Variants in RALB observed in about 807,000 individuals in gnomAD.
RALB encodes the protein ras-related protein Ral-B.
RALB carries 16 observed loss-of-function variants against 21.3 expected under a neutral mutation model. The observed-to-expected ratio is 0.75, with a 90% CI of 0.51 to 1.14. The LOEUF (loss-of-function observed/expected upper bound fraction) is 1.14, where lower values mean the gene tolerates loss of function less well. RALB is among the 50% of genes most tolerant of loss of function. The pLI is 0.00. For synonymous variants in RALB, 93 were observed against 96.1 expected (o/e 0.97, Z 0.19); for missense variants, 161 against 256.2 (o/e 0.63, Z 2.54).
chr2:120,252,223 C>T (rs927941184), upstream of RALB, among the ~76,000 whole-genome samples: 11 of 152,008 alleles, frequency 7.2e-5, no homozygotes, highest in Admixed American at 4.6e-4. Context: ...GGGAGCTTGC[C>T]CACTGCACTT....
intron 2 of RALB, among the ~76,000 whole-genome samples, chr2:120,284,759 C>G (rs201673009): frequency 1.1e-3 from 8 of 7,188 alleles, no homozygotes; most frequent in African/African-American, 4.9e-3. Flanking sequence ...AAAAAACCAA[C>G]CTACGTATTA....
chr2:120,264,112 G>A (rs1689438668), intron 1 of RALB, among the ~76,000 whole-genome samples: 1 of 151,756 alleles, frequency 6.6e-6, no homozygotes, highest in Non-Finnish European at 1.5e-5. Flanking sequence ...GCCTCCCAAA[G>A]TGCTGAGATT....
chr2:120,289,312 A>C (rs865823726), intron 3 of RALB, among the ~76,000 whole-genome samples: 8 of 68,272 alleles, frequency 1.2e-4, no homozygotes, highest in African/African-American at 6.1e-4. Flanking sequence ...TCCTATCCAG[A>C]CACTTCTGTA....
At chr2:120,252,750 C>A (rs939984090), upstream of RALB, 21 of 982,266 alleles carry the variant, frequency 2.1e-5, no homozygotes, top group African/African-American at 8.7e-5. Context: ...GACAGCCCCC[C>A]GACGGGCGTG....
intron 1 of RALB, among the ~76,000 whole-genome samples, chr2:120,259,191 C>G (rs959134229): frequency 6.6e-6 from 1 of 152,212 alleles, no homozygotes; most frequent in Non-Finnish European, 1.5e-5. Flanking sequence ...AACAAAGCTT[C>G]CACAGCGTAG....
At chr2:120,250,898 T>C (rs1689041330), upstream of RALB, among the ~76,000 whole-genome samples, 1 of 152,222 alleles carries the variant, frequency 6.6e-6, no homozygotes. Context: ...GCTCAGGGTC[T>C]GGCATGTCCA....
intron 1 of RALB, among the ~76,000 whole-genome samples, chr2:120,265,450 A>G (rs1689479190): frequency 1.3e-5 from 2 of 152,260 alleles, no homozygotes; most frequent in Non-Finnish European, 2.9e-5. Context: ...ATGACTGTAT[A>G]ACAACTATTT....
chr2:120,265,499 T>C (rs1689479995), intron 1 of RALB, among the ~76,000 whole-genome samples: 1 of 152,256 alleles, frequency 6.6e-6, no homozygotes, highest in South Asian at 2.1e-4. Context: ...TTTTAGAGCT[T>C]GTGCTCTGTG....
intron 4 of RALB, among the ~76,000 whole-genome samples, chr2:120,290,081 C>T (rs1320297331): frequency 6.6e-6 from 1 of 152,136 alleles, no homozygotes; most frequent in Non-Finnish European, 1.5e-5. Flanking sequence ...TCACTGCAAC[C>T]TCTGCCTCCT....
Position 120,252,988 on chromosome 2 carries a change from C to T in RALB, c.-48+8C>T, listed in dbSNP as rs1689093776. 4.1e-6 allele frequency: 4 copies of T among 984,430 alleles called. No homozygotes were observed. Among genetic ancestry groups the T allele is most frequent in the East Asian group, 1.1e-4 (1 of 8,726 alleles). The allele number at this position is 984,430 out of a possible 1,614,324, so 61.0% of individuals were successfully genotyped here. On this transcript the variant is annotated splice_region_variant and intron_variant, in intron 1 of 4. Coordinates refer to ENST00000272519, the MANE Select transcript of RALB (RefSeq NM_002881.3). Reference sequence around the variant, plus strand: ...CGGCGGGACTGGTCCCTGGTAAGGGCGCGGCGCCCGCGGGCCCCGGGCGGG... The same window carrying T: ...CGGCGGGACTGGTCCCTGGTAAGGGTGCGGCGCCCGCGGGCCCCGGGCGGG...
intron 2 of RALB, among the ~76,000 whole-genome samples, chr2:120,283,872 G>C (rs1439580617): frequency 6.6e-6 from 1 of 152,206 alleles, no homozygotes; most frequent in Non-Finnish European, 1.5e-5. Context: ...GCTGAGCAAT[G>C]TAAATAAACA....
chr2:120,280,198 T>C (rs533747505), intron 2 of RALB, among the ~76,000 whole-genome samples: 1 of 152,286 alleles, frequency 6.6e-6, no homozygotes, highest in East Asian at 1.9e-4. Flanking sequence ...GTTTCCTAAA[T>C]TTGGCAGTAA....
chr2:120,253,016 G>A (rs931570685), intron 1 of RALB, 36 bp downstream of exon 1: 1 of 981,516 alleles, frequency 1.0e-6, no homozygotes, highest in East Asian at 1.1e-4. Flanking sequence ...CGGGCGGGGT[G>A]GGGCGCGGGC....
At chr2:120,259,321 A>AT (rs1689284355) in intron 1 of RALB, among the ~76,000 whole-genome samples, 1 of 152,158 alleles carries the variant, frequency 6.6e-6, no homozygotes, top group African/African-American at 2.4e-5. Flanking sequence ...CAGGGCGCTG[A>AT]TTGGTGCGTT....
rs1690349306 is a variant in RALB, at chr2:120,293,236, TAAAG to T, written c.603_606del (p.Glu201AspfsTer12). 2 of 1,613,308 alleles carry T rather than the reference TAAAG, an allele frequency of 1.2e-6. No homozygotes were observed. The highest frequency in any genetic ancestry group is 1.6e-4 in the Middle Eastern group (1 of 6,076). ...AAAGCAGCAAGAACAAGAAAAGTTT[TAAAG>T]AAAGATGTTGCTTACTATGAGTGTC... On this transcript the variant is annotated frameshift_variant, in exon 5 of 5. Transcript: ENST00000272519. LOFTEE classifies it high-confidence loss of function.
intron 1 of RALB, among the ~76,000 whole-genome samples, chr2:120,277,579 AGT>A (rs1157375250): frequency 6.6e-6 from 1 of 151,600 alleles, no homozygotes; most frequent in African/African-American, 2.4e-5. Flanking sequence ...TGAGAGGACA[AGT>A]GTGTGATAGT....
In RALB at chr2:120,293,408, G is replaced by C; in HGVS notation, c.*148G>C. 1 of 847,878 alleles carries C rather than the reference G, an allele frequency of 1.2e-6. No individual in the cohort carries two copies. The highest frequency in any genetic ancestry group is 1.6e-6 in the Non-Finnish European group (1 of 606,566). The allele number at this position is 847,878 out of a possible 1,614,324, so 52.5% of individuals were successfully genotyped here. A position where few individuals can be genotyped will look rare whatever the true frequency, so the allele number is the denominator to read the frequency against. ...TCTTTAAATGGGGAAAAATATTTGT[G>C]ACTCTGTGGCTGGCAGAAGAAATAA... On this transcript the variant is annotated 3_prime_UTR_variant, in exon 5 of 5. Transcript: ENST00000272519.
rs1258036526 is a variant in RALB, at chr2:120,256,914, T to C, written c.-48+3934T>C. On this transcript the variant is annotated intron_variant, in intron 1 of 4. Transcript: ENST00000272519. ...TCATTGAGAAAATCTTTCTTTCAGA[T>C]GTTTACTGAAGTATACTGTAGGAGA... Among the ~76,000 whole-genome samples, 4 of 152,368 alleles carry C rather than the reference T, an allele frequency of 2.6e-5. No homozygotes were observed. The South Asian group carries it at 8.3e-4, about 32-fold the overall frequency.
chr2:120,244,315 T>G (rs1688937445), intron 1 of RALB, among the ~76,000 whole-genome samples: 1 of 152,158 alleles, frequency 6.6e-6, no homozygotes, highest in Admixed American at 6.5e-5. Context: ...GCCCAGCCCG[T>G]CCCGGCTCTG....
Sources: allele counts gnomAD v4.1 joint callset (sites outside exome capture counted in the v4.1 genomes callset), GRCh38; gene constraint gnomAD v4.1.1; transcripts MANE v1.5; gene names NCBI Gene and HGNC (gene_info 2026-07-23, HGNC 2026-07-21).